GUCA1C: variants seen among roughly 807,000 people sequenced by gnomAD.
GUCA1C encodes guanylate cyclase activator 1C.
In GUCA1C, 15 loss-of-function variants were observed where a neutral mutation model predicts 16.2. That is an observed-to-expected ratio of 0.93 (90% CI 0.62 to 1.43). The LOEUF is 1.43. Among genes scored for constraint, GUCA1C ranks in the 40% most tolerant of loss-of-function variants. The pLI, the probability that GUCA1C is intolerant of heterozygous loss-of-function variation, is 0.00. For synonymous variants in GUCA1C, 78 were observed against 85.4 expected (o/e 0.91, Z 0.48); for missense variants, 275 against 244.8 (o/e 1.12, Z -0.82).
At position 108,917,517 on chromosome 3, in the gene GUCA1C, A is replaced by G. The variant is rs973345030; in HGVS notation, c.355-1303T>C. ...CTTCTTCTTTCCTTCCTCATTTACT[A>G]TATGCACTCTTTCTTCCCTAGTTTC... is the stretch of plus-strand genomic sequence containing the variant. On this transcript the variant is annotated intron_variant, in intron 2 of 3. Coordinates refer to ENST00000261047, the MANE Select transcript of GUCA1C (RefSeq NM_005459.4). 3.3e-5 allele frequency among the ~76,000 whole-genome samples: 5 copies of G among 151,946 alleles called. No homozygotes were observed. In the East Asian group the frequency reaches 9.7e-4, roughly 29 times the overall value.
chr3:108,928,087 T>C (rs1946637937), intron 1 of GUCA1C, among the ~76,000 whole-genome samples: 1 of 152,246 alleles, frequency 6.6e-6, no homozygotes, highest in Non-Finnish European at 1.5e-5. Flanking sequence ...CAGTCGTGGA[T>C]ACCACCACAG....
At chr3:108,949,714 A>G (rs1253041688) in intron 1 of GUCA1C, among the ~76,000 whole-genome samples, 1 of 152,220 alleles carries the variant, frequency 6.6e-6, no homozygotes, top group Non-Finnish European at 1.5e-5. Flanking sequence ...CAGGCACATC[A>G]TAACCACTCA....
rs1946512160 is a variant in GUCA1C at position 108,916,363 on chromosome 3, G to C, written c.355-149C>G. 5 of 663,494 alleles carry C rather than the reference G, an allele frequency of 7.5e-6. 1 individual carries two copies. In the Middle Eastern group the frequency reaches 1.0e-3, roughly 135 times the overall value. The allele number at this position is 663,494 out of a possible 1,614,324, so 41.1% of individuals were successfully genotyped here. A position where few individuals can be genotyped will look rare whatever the true frequency, so the allele number is the denominator to read the frequency against. On this transcript the variant is annotated intron_variant, in intron 2 of 3. Coordinates refer to ENST00000261047, the MANE Select transcript of GUCA1C (RefSeq NM_005459.4). ...TTGTTAAAAGTAAATAAAAAGAAAA[G>C]ATTGTATGTCAGTTCTGGGTAATGA...
At position 108,908,261 on chromosome 3, in the gene GUCA1C, C is replaced by G. The variant is rs747911719; in HGVS notation, c.443-52G>C. 19 of 1,125,134 alleles carry G rather than the reference C, an allele frequency of 1.7e-5. No individual in the cohort carries two copies. In the African/African-American group the frequency reaches 2.8e-4, roughly 16 times the overall value. The allele number at this position is 1,125,134 out of a possible 1,614,324, so 69.7% of individuals were successfully genotyped here. ...AGGCTTTGTCTATACCACTCACTGG[C>G]ACAAATGATATACTCACTGGTATGT... On this transcript the variant is annotated intron_variant, in intron 3 of 3. Transcript: ENST00000261047.
At chr3:108,943,598 G>A (rs977634701) in intron 1 of GUCA1C, among the ~76,000 whole-genome samples, 9 of 152,148 alleles carry the variant, frequency 5.9e-5, no homozygotes, top group Admixed American at 4.6e-4. Flanking sequence ...ATGCACATTT[G>A]GGGTTTACAT....
At chr3:108,955,159 C>T (rs1946935897), upstream of GUCA1C, among the ~76,000 whole-genome samples, 1 of 152,168 alleles carries the variant, frequency 6.6e-6, no homozygotes, top group East Asian at 1.9e-4. Context: ...TTATGAAACC[C>T]TTGATTCCTA....
At chr3:108,922,144 C>A (rs914570795) in intron 1 of GUCA1C, among the ~76,000 whole-genome samples, 1 of 131,288 alleles carries the variant, frequency 7.6e-6, no homozygotes, top group African/African-American at 2.9e-5. Context: ...ATGGTGTATA[C>A]ACACACACAT....
At chr3:108,934,304 C>A (rs145030340) in intron 1 of GUCA1C, among the ~76,000 whole-genome samples, 1 of 152,268 alleles carries the variant, frequency 6.6e-6, no homozygotes, top group African/African-American at 2.4e-5. Flanking sequence ...TGTAACAAAC[C>A]TGCATGCTTT....
chr3:108,921,886 G>A (rs1202099271), intron 1 of GUCA1C, among the ~76,000 whole-genome samples: 2 of 151,978 alleles, frequency 1.3e-5, no homozygotes, highest in Non-Finnish European at 2.9e-5. Flanking sequence ...CCCATCACCT[G>A]AGCAGTGAAC....
intron 2 of GUCA1C, among the ~76,000 whole-genome samples, chr3:108,916,755 C>T (rs1946522162): frequency 6.6e-6 from 1 of 152,012 alleles, no homozygotes; most frequent in Admixed American, 6.6e-5. Context: ...CTGTCAGGGC[C>T]CAGGGGGCAA....
In GUCA1C at chr3:108,920,466, A is replaced by C. The variant is rs1386839969; in HGVS notation, c.324T>G (p.Ile108Met). The change falls in exon 2 of 4, where the codon ATT (isoleucine) becomes ATG (methionine). Residue 108 changes from isoleucine (I) to methionine (M), a missense_variant. By Grantham distance (10) the Ile-to-Met change is conservative. Transcript: ENST00000261047. ...ACATGTCCAGTAGTTCATTTTTGTCAATAGAACCATTTCCATCAGCATCAT... is the reference window on the plus strand; with the variant it reads ...ACATGTCCAGTAGTTCATTTTTGTCCATAGAACCATTTCCATCAGCATCAT... Reference protein sequence around the residue: ...KLYDADGNGSIDKNELLDMFM... With the variant: ...KLYDADGNGSMDKNELLDMFM... The C allele has an allele frequency of 1.9e-6, 3 of 1,608,838 alleles. No homozygotes were observed. The African/African-American group carries it at 4.0e-5, about 22-fold the overall frequency.
chr3:108,939,323 G>GATTTTTTTT (rs1491279760), intron 1 of GUCA1C, among the ~76,000 whole-genome samples: 2 of 33,226 alleles, frequency 6.0e-5, no homozygotes, highest in South Asian at 1.6e-3. Flanking sequence ...TTGCTTCAAG[G>GATTTTTTTT]CTTTTTTTTT....
chr3:108,939,273 G>T (rs1390051367), intron 1 of GUCA1C, among the ~76,000 whole-genome samples: 1 of 145,284 alleles, frequency 6.9e-6, no homozygotes, highest in African/African-American at 2.5e-5. Context: ...GGCAGAATTT[G>T]ATGGTGGGAT....
intron 2 of GUCA1C, among the ~76,000 whole-genome samples, chr3:108,918,772 T>C (rs1427257737): frequency 2.6e-5 from 4 of 152,170 alleles, no homozygotes; most frequent in Non-Finnish European, 5.9e-5. Context: ...ATACACTTTG[T>C]ATTTACCTTG....
chr3:108,922,003 T>C (rs1415544815), intron 1 of GUCA1C, among the ~76,000 whole-genome samples: 1 of 152,152 alleles, frequency 6.6e-6, no homozygotes, highest in East Asian at 1.9e-4. Context: ...AACTCCCACA[T>C]ATGAGTGAGA....
At chr3:108,941,089 C>T (rs1263215274) in intron 1 of GUCA1C, among the ~76,000 whole-genome samples, 1 of 152,104 alleles carries the variant, frequency 6.6e-6, no homozygotes, top group Non-Finnish European at 1.5e-5. Flanking sequence ...CCAGCAAGGA[C>T]TTCTGCTACA....
intron 3 of GUCA1C, among the ~76,000 whole-genome samples, chr3:108,909,933 A>G (rs1310654856): frequency 6.6e-6 from 1 of 152,102 alleles, no homozygotes; most frequent in East Asian, 1.9e-4. Context: ...TCATTCATTT[A>G]TTCATCATGT....
chr3:108,909,341 A>G, intron 3 of GUCA1C, among the ~76,000 whole-genome samples: 1 of 152,208 alleles, frequency 6.6e-6, no homozygotes, highest in East Asian at 1.9e-4. Flanking sequence ...GTCACAGAAA[A>G]GGTACAATCG....
At chr3:108,948,170 C>A (rs1179539566) in intron 1 of GUCA1C, among the ~76,000 whole-genome samples, 1 of 152,128 alleles carries the variant, frequency 6.6e-6, no homozygotes, top group Non-Finnish European at 1.5e-5. Flanking sequence ...ACCCAAATCT[C>A]ATGTTGAATT....
Sources: gnomAD v4.1 joint callset for allele counts (sites outside exome capture counted in the v4.1 genomes callset) on GRCh38, gnomAD v4.1.1 for gene constraint, MANE v1.5 for transcripts, NCBI Gene and HGNC (gene_info 2026-07-23, HGNC 2026-07-21) for gene names.